Variants in LARP1 observed in about 807,000 individuals in gnomAD.
LARP1 encodes the protein La ribonucleoprotein 1, translational regulator.
Under a neutral mutation model 122.7 loss-of-function variants are expected in LARP1, and 36 were observed. The ratio of observed to expected loss-of-function variants is 0.29; its 90% CI spans 0.22 to 0.39. The LOEUF (loss-of-function observed/expected upper bound fraction) is 0.39. Ranked by LOEUF, LARP1 falls within the 10% of genes least tolerant of loss-of-function variation. The pLI is 1.00. For missense variants in LARP1, 1,040 were observed against 1,403.6 expected, an observed-to-expected ratio of 0.74 and a Z score of 4.14; for synonymous variants, 539 against 528.7, an observed-to-expected ratio of 1.02 and a Z score of -0.27.
chr5:154,774,316 G>GC (rs1435046169), intron 1 of LARP1, among the ~76,000 whole-genome samples: 1 of 152,152 alleles, frequency 6.6e-6, no homozygotes, highest in Non-Finnish European at 1.5e-5. Flanking sequence ...CTGCATCCCT[G>GC]CCCCATGCTT....
At chr5:154,732,614 T>G (rs971987499) in intron 1 of LARP1, among the ~76,000 whole-genome samples, 2 of 152,228 alleles carry the variant, frequency 1.3e-5, no homozygotes, top group African/African-American at 4.8e-5. Context: ...TTCAAGATCT[T>G]TTCCAGCCCT....
At chr5:154,746,469 A>G (rs888082263) in intron 1 of LARP1, among the ~76,000 whole-genome samples, 5 of 152,092 alleles carry the variant, frequency 3.3e-5, no homozygotes, top group Non-Finnish European at 7.3e-5. Flanking sequence ...AGTTTGTCCA[A>G]CTGTGTGGTT....
At chr5:154,800,961 G>T (rs1758297971) in intron 10 of LARP1, among the ~76,000 whole-genome samples, 2 of 152,158 alleles carry the variant, frequency 1.3e-5, no homozygotes, top group East Asian at 3.8e-4. Flanking sequence ...GTAGATGAGG[G>T]TTTTACAAAG....
At chr5:154,763,315 G>C (rs1354841168) in intron 1 of LARP1, among the ~76,000 whole-genome samples, 1 of 151,996 alleles carries the variant, frequency 6.6e-6, no homozygotes, top group Non-Finnish European at 1.5e-5. Context: ...GCCCACTTCG[G>C]CCTCCCAAAG....
chr5:154,728,417 C>T (rs1047482963), intron 1 of LARP1, among the ~76,000 whole-genome samples: 2 of 152,086 alleles, frequency 1.3e-5, no homozygotes, highest in Admixed American at 6.6e-5. Flanking sequence ...TTACTTTGAC[C>T]AATAGAGATC....
At chr5:154,769,947 G>GC (rs1338890641) in intron 1 of LARP1, among the ~76,000 whole-genome samples, 2 of 152,218 alleles carry the variant, frequency 1.3e-5, no homozygotes, top group Admixed American at 1.3e-4. Flanking sequence ...TCTCCAAGGA[G>GC]CAGAGACAAG....
intron 1 of LARP1, among the ~76,000 whole-genome samples, chr5:154,783,924 T>C (rs1756665803): frequency 6.6e-6 from 1 of 152,180 alleles, no homozygotes; most frequent in Non-Finnish European, 1.5e-5. Context: ...GAATGGTAGG[T>C]AATGCTCCCA....
At chr5:154,784,281 G>A in intron 1 of LARP1, among the ~76,000 whole-genome samples, 1 of 152,318 alleles carries the variant, frequency 6.6e-6, no homozygotes, top group South Asian at 2.1e-4. Context: ...GGGCAGATAA[G>A]TAACCAGCCC....
intron 18 of LARP1, among the ~76,000 whole-genome samples, 189 bp downstream of exon 18, chr5:154,811,829 A>G (rs553364754): frequency 6.6e-6 from 1 of 152,258 alleles, no homozygotes; most frequent in South Asian, 2.1e-4. Flanking sequence ...AGTTGGAGAT[A>G]GTTGTATGGT....
chr5:154,741,793 A>C (rs1752897252), intron 1 of LARP1, among the ~76,000 whole-genome samples: 1 of 152,054 alleles, frequency 6.6e-6, no homozygotes, highest in Non-Finnish European at 1.5e-5. Flanking sequence ...GCAGTTATGG[A>C]GGGTTGTTTG....
intron 1 of LARP1, among the ~76,000 whole-genome samples, chr5:154,727,261 A>G (rs1176015770): frequency 6.6e-6 from 1 of 152,202 alleles, no homozygotes; most frequent in African/African-American, 2.4e-5. Context: ...CCTAAACAGA[A>G]TAAGTAAATA....
intron 1 of LARP1, among the ~76,000 whole-genome samples, chr5:154,737,797 T>G (rs1195246708): frequency 1.3e-5 from 2 of 152,142 alleles, no homozygotes; most frequent in African/African-American, 4.8e-5. Flanking sequence ...TCCTCTGATA[T>G]TCCCGGTTCC....
intron 1 of LARP1, among the ~76,000 whole-genome samples, chr5:154,703,256 G>A (rs1417684649): frequency 6.6e-6 from 1 of 151,950 alleles, no homozygotes; most frequent in Non-Finnish European, 1.5e-5. Context: ...CAGCTGCGCT[G>A]GGCGTTAGCA....
intron 1 of LARP1, among the ~76,000 whole-genome samples, chr5:154,762,725 GCC>G (rs1754559983): frequency 6.6e-6 from 1 of 152,130 alleles, no homozygotes; most frequent in African/African-American, 2.4e-5. Flanking sequence ...TTGTTTACAG[GCC>G]ACTTTGTAAT....
chr5:154,729,397 T>C (rs970568315), intron 1 of LARP1: 2 of 330,472 alleles, frequency 6.1e-6, no homozygotes, highest in Non-Finnish European at 1.2e-5. Context: ...AATGTTACCA[T>C]GGCAAAACTG....
intron 8 of LARP1, among the ~76,000 whole-genome samples, chr5:154,796,194 A>ATTTATATAT (rs1757837651): frequency 4.5e-5 from 6 of 132,356 alleles, no homozygotes; most frequent in African/African-American, 1.4e-4. Context: ...TATTTTATAT[A>ATTTATATAT]TATATATAGT....
At chr5:154,726,851 C>T (rs1756247028) in intron 1 of LARP1, among the ~76,000 whole-genome samples, 1 of 152,178 alleles carries the variant, frequency 6.6e-6, no homozygotes, top group Non-Finnish European at 1.5e-5. Context: ...CCGTACAGGG[C>T]AGCAGGAGAG....
chr5:154,784,441 C>T lies in LARP1; in HGVS notation c.437-5884C>T, dbSNP rs190290080. On this transcript the variant is annotated intron_variant, in intron 1 of 18. Transcript: ENST00000518297. ...AATGTAATACAGCCCCTAAACCCAACAGATTACCTTGTTCTCAAGGTAGTA... is the reference window on the plus strand; with the variant it reads ...AATGTAATACAGCCCCTAAACCCAATAGATTACCTTGTTCTCAAGGTAGTA... 4.9e-4 allele frequency among the ~76,000 whole-genome samples: 74 copies of T among 152,308 alleles called. 3 individuals carry two copies. In the East Asian group the frequency reaches 0.013, roughly 28 times the overall value.
chr5:154,752,668 G>C (rs1753563083), upstream of LARP1, among the ~76,000 whole-genome samples: 1 of 152,030 alleles, frequency 6.6e-6, no homozygotes, highest in South Asian at 2.1e-4. Context: ...GCCGGGCATG[G>C]TGGCTAACAC....
Sources: allele counts gnomAD v4.1 joint callset (sites outside exome capture counted in the v4.1 genomes callset), GRCh38; gene constraint gnomAD v4.1.1; transcripts MANE v1.5; gene names NCBI Gene and HGNC (gene_info 2026-07-23, HGNC 2026-07-21).